The following AGPAT3 variants were observed in gnomAD, a reference collection of about 807,000 sequenced individuals.
AGPAT3 encodes the protein 1-acyl-sn-glycerol-3-phosphate acyltransferase gamma.
Under a neutral mutation model 47.3 loss-of-function variants are expected in AGPAT3, and 5 were observed. That is an observed-to-expected ratio of 0.11 (90% confidence interval 0.06 to 0.22). AGPAT3 has a LOEUF of 0.22. Ranked by LOEUF, AGPAT3 falls within the 10% of genes least tolerant of loss-of-function variation. The pLI is 1.00. For synonymous variants in AGPAT3, 212 were observed against 208.3 expected (o/e 1.02, Z -0.15); for missense variants, 315 against 493.0 (o/e 0.64, Z 3.42).
chr21:43,975,745 C>T (rs552693340), intron 7 of AGPAT3, among the ~76,000 whole-genome samples: 7 of 152,268 alleles, frequency 4.6e-5, no homozygotes, highest in South Asian at 2.1e-4. Context: ...TGTTTGTTTT[C>T]GTTTTTGTTT....
chr21:43,868,517 C>T (rs2085557751), intron 1 of AGPAT3, among the ~76,000 whole-genome samples: 1 of 152,002 alleles, frequency 6.6e-6, no homozygotes, highest in Admixed American at 6.5e-5. Context: ...GGTCTCGATT[C>T]CTTTCTGAAA....
At position 43,968,017 on chromosome 21, in the gene AGPAT3, C is replaced by A; in HGVS notation, c.250C>A (p.Arg84Ser). ...TLFTDQATVE[R>S]FGKEHAVIIL... ...GTTCACGGACCAGGCCACGGTAGAG[C>A]GCTTTGGGAAGGAGCACGCAGTCAT... Residue 84 changes from arginine to serine, a missense_variant, in exon 4 of 10, where the codon CGC becomes AGC. Arg to Ser is a moderately radical substitution (Grantham distance 110, BLOSUM62 -1). Transcript: ENST00000291572. 6.2e-7 allele frequency: 1 copy of A among 1,613,880 alleles called. No homozygotes were observed. Among genetic ancestry groups the A allele is most frequent in the Non-Finnish European group, 8.5e-7 (1 of 1,179,994 alleles).
intron 2 of AGPAT3, among the ~76,000 whole-genome samples, chr21:43,913,663 C>G (rs191522609): frequency 1.1e-4 from 16 of 152,322 alleles, no homozygotes; most frequent in Admixed American, 1.0e-3. Context: ...GGGTGACTCC[C>G]TTTGTCCCTT....
Position 43,932,675 on chromosome 21 carries a change from G to A in AGPAT3, c.-48-26959G>A, listed in dbSNP as rs901175178. ...TAGTTCCTTTTGTTTTCTTGAGACGGAGTCTTGCTCTGTCGCCCAGGCTGG... is the reference window on the plus strand; with the variant it reads ...TAGTTCCTTTTGTTTTCTTGAGACGAAGTCTTGCTCTGTCGCCCAGGCTGG... On this transcript the variant is annotated intron_variant, in intron 2 of 9. Transcript: ENST00000291572. The surrounding 1 kb of genome is among the most constrained non-coding windows in gnomAD (Gnocchi z 5.2). Among the ~76,000 whole-genome samples the A allele has an allele frequency of 3.9e-5, 6 of 152,222 alleles. No homozygotes were observed. The East Asian group carries it at 1.2e-3, about 29-fold the overall frequency.
At chr21:43,914,790 G>C (rs1395678925) in intron 2 of AGPAT3, among the ~76,000 whole-genome samples, 1 of 152,100 alleles carries the variant, frequency 6.6e-6, no homozygotes, top group Non-Finnish European at 1.5e-5. Flanking sequence ...GATCCTCACA[G>C]CTCGGCCTCC....
In AGPAT3 at chr21:43,939,959, C is replaced by T. The variant is rs151060974; in HGVS notation, c.-48-19675C>T. 1.3e-5 allele frequency among the ~76,000 whole-genome samples: 2 copies of T among 152,336 alleles called. No homozygotes were observed. The highest frequency in any genetic ancestry group is 1.9e-4 in the East Asian group (1 of 5,184). On this transcript the variant is annotated intron_variant, in intron 2 of 9. Transcript: ENST00000291572. This position sits in a 1 kb window ranked among gnomAD's most constrained non-coding sequence, Gnocchi z 4.4. ...GAGCCCGCAGCTGTGCGCAGGAGGA[C>T]GAACCTGTGTGTATGTCCTGCTTCA...
At chr21:43,964,387 G>A (rs1052134857) in intron 3 of AGPAT3, among the ~76,000 whole-genome samples, 16 of 151,730 alleles carry the variant, frequency 1.1e-4, no homozygotes, top group Non-Finnish European at 1.6e-4. Flanking sequence ...TTAGAGATGG[G>A]GTTTCACCAT....
chr21:43,902,870 T>C (rs2086390367), intron 1 of AGPAT3, among the ~76,000 whole-genome samples: 1 of 152,162 alleles, frequency 6.6e-6, no homozygotes, highest in African/African-American at 2.4e-5. Flanking sequence ...CATGGTGGCA[T>C]GCACCTGTAG....
Position 43,971,449 on chromosome 21 carries a change from G to T in AGPAT3, c.726G>T (p.Gly242=). 6.2e-7 allele frequency: 1 copy of T among 1,614,252 alleles called. No individual in the cohort carries two copies. The highest frequency in any genetic ancestry group is 1.3e-5 in the African/African-American group (1 of 75,076). The change falls in exon 7 of 10, where the codon GGG becomes GGT. Residue 242 remains glycine (G), a synonymous_variant. Coordinates refer to ENST00000291572, the MANE Select transcript of AGPAT3 (RefSeq NM_020132.5). ...FRGNKNPSLL[G]ILYGKKYEAD... ...GAAACAAGAACCCGTCCCTGCTGGG[G>T]ATCCTCTACGGGAAGAAGTACGAGG...
intron 2 of AGPAT3, among the ~76,000 whole-genome samples, chr21:43,926,153 C>T (rs545970840): frequency 1.3e-5 from 2 of 152,378 alleles, no homozygotes; most frequent in East Asian, 1.9e-4. Context: ...CTTGCCTTCT[C>T]CCGCTGGGTC....
In AGPAT3 at chr21:43,958,127, T is replaced by C. The variant is rs182448624; in HGVS notation, c.-48-1507T>C. Among the ~76,000 whole-genome samples, 113 of 152,366 alleles carry C rather than the reference T, an allele frequency of 7.4e-4. 1 individual carries two copies. Among genetic ancestry groups the C allele is most frequent in the Admixed American group, 3.8e-3 (58 of 15,306 alleles). On this transcript the variant is annotated intron_variant, in intron 2 of 9. Transcript: ENST00000291572. The stretch of plus-strand genomic sequence containing the variant: ...AGTTTGGATCTTTTAAATGAGATAC[T>C]AAATCAAATAAAAATTATGATGCCT...
chr21:43,986,920 C>T lies in AGPAT3; in HGVS notation c.*4528C>T, dbSNP rs14749. Among the ~76,000 whole-genome samples, 2 of 152,184 alleles carry T rather than the reference C, an allele frequency of 1.3e-5. No homozygotes were observed. The highest frequency in any genetic ancestry group is 1.5e-5 in the Non-Finnish European group (1 of 68,034). On this transcript the variant is annotated 3_prime_UTR_variant, in exon 10 of 10. Coordinates refer to ENST00000291572, the MANE Select transcript of AGPAT3 (RefSeq NM_020132.5). The stretch of plus-strand genomic sequence containing the variant: ...TAGAGGTATTTTTGGTCTTTAGAAG[C>T]TTGTCGGGGTGAGGGCTGCTAACTT...
At chr21:43,912,633 CA>C (rs2086652390) in intron 2 of AGPAT3, among the ~76,000 whole-genome samples, 1 of 152,246 alleles carries the variant, frequency 6.6e-6, no homozygotes, top group Non-Finnish European at 1.5e-5. Flanking sequence ...TGGACTTCAG[CA>C]TCTGCTTTTC....
At chr21:43,975,334 G>T (rs1357531750) in intron 7 of AGPAT3, among the ~76,000 whole-genome samples, 1 of 150,232 alleles carries the variant, frequency 6.7e-6, no homozygotes, top group African/African-American at 2.5e-5. Context: ...GCTGGCGTGT[G>T]GTATGTTCTG....
intron 1 of AGPAT3, among the ~76,000 whole-genome samples, chr21:43,874,121 A>G (rs1041408073): frequency 6.6e-6 from 1 of 151,994 alleles, no homozygotes; most frequent in Admixed American, 6.6e-5. Context: ...CGCCTCCCGG[A>G]TTCAAGTGGT....
At chr21:43,910,191 C>T (rs2086599784) in intron 2 of AGPAT3, among the ~76,000 whole-genome samples, 1 of 152,208 alleles carries the variant, frequency 6.6e-6, no homozygotes, top group Non-Finnish European at 1.5e-5. Flanking sequence ...CTCTGTGCTC[C>T]TGGCCTCTTT....
At chr21:43,906,838 G>A (rs535806009) in intron 2 of AGPAT3, among the ~76,000 whole-genome samples, 6 of 152,150 alleles carry the variant, frequency 3.9e-5, no homozygotes, top group East Asian at 1.9e-4. Flanking sequence ...CCCGTGCTCC[G>A]CCTGGGCGAG....
intron 3 of AGPAT3, among the ~76,000 whole-genome samples, chr21:43,962,847 T>C (rs1569096195): frequency 6.6e-6 from 1 of 152,104 alleles, no homozygotes; most frequent in Admixed American, 6.5e-5. Flanking sequence ...AAATATGAAT[T>C]CATAATCAAG....
chr21:43,884,227 T>A (rs1400488423), intron 1 of AGPAT3, among the ~76,000 whole-genome samples: 3 of 151,434 alleles, frequency 2.0e-5, no homozygotes, highest in Non-Finnish European at 2.9e-5. Flanking sequence ...CTCTTCCTCC[T>A]CTCCTCTTCC....
Sources: gnomAD v4.1 joint callset for allele counts (sites outside exome capture counted in the v4.1 genomes callset) on GRCh38, gnomAD v4.1.1 for gene constraint, Gnocchi (gnomAD v3.1) non-coding constraint, MANE v1.5 for transcripts, NCBI Gene and HGNC (gene_info 2026-07-23, HGNC 2026-07-21) for gene names.